The following NRG1 variants were observed in gnomAD, a reference collection of about 807,000 sequenced individuals.
The protein encoded by NRG1 is pro-neuregulin-1, membrane-bound isoform.
Under a neutral mutation model 63.8 loss-of-function variants are expected in NRG1, and 18 were observed. The ratio of observed to expected loss-of-function variants is 0.28; its 90% confidence interval spans 0.19 to 0.42. NRG1 has a LOEUF of 0.42. Ranked by LOEUF, NRG1 falls within the 10% of genes least tolerant of loss-of-function variation. The probability of loss-of-function intolerance (pLI) is 1.00; values close to 1 mark genes in which losing one functional copy is unlikely to be tolerated. For missense variants in NRG1, 762 were observed against 814.7 expected (o/e 0.94, Z 0.79); for synonymous variants, 302 against 301.3 (o/e 1.00, Z -0.02).
intron 1 of NRG1, among the ~76,000 whole-genome samples, chr8:31,717,247 A>T (rs1163859349): frequency 6.6e-6 from 1 of 151,876 alleles, no homozygotes; most frequent in African/African-American, 2.4e-5. Context: ...TGTCTACTAA[A>T]AAAACAAAAA....
chr8:32,057,224 G>A (rs78760837), intron 1 of NRG1, among the ~76,000 whole-genome samples: 8,337 of 152,180 alleles, frequency 0.055, 758 homozygotes, highest in African/African-American at 0.19. Flanking sequence ...TAGACATAGT[G>A]TGTTTATATT....
At chr8:32,354,000 G>A (rs1372734701) in intron 1 of NRG1, among the ~76,000 whole-genome samples, 1 of 152,168 alleles carries the variant, frequency 6.6e-6, no homozygotes, top group Non-Finnish European at 1.5e-5. Flanking sequence ...TAATAAAAAG[G>A]AATGAACAAT....
chr8:31,906,390 G>C (rs548524887), intron 1 of NRG1, among the ~76,000 whole-genome samples: 1 of 152,264 alleles, frequency 6.6e-6, no homozygotes, highest in East Asian at 1.9e-4. Flanking sequence ...TACGATGTAG[G>C]AGGGACAATA....
chr8:31,767,766 G>C (rs1302078634), intron 1 of NRG1, among the ~76,000 whole-genome samples: 1 of 151,118 alleles, frequency 6.6e-6, no homozygotes, highest in African/African-American at 2.4e-5. Context: ...ATTGAACCTG[G>C]AGGCGGAGGT....
At chr8:31,880,439 G>A (rs557849653) in intron 1 of NRG1, among the ~76,000 whole-genome samples, 21 of 152,186 alleles carry the variant, frequency 1.4e-4, no homozygotes, top group Non-Finnish European at 3.1e-4. Flanking sequence ...TTTAGCTTAC[G>A]AAAGCTACTC....
At chr8:32,445,603 A>G (rs1005253378) in intron 1 of NRG1, among the ~76,000 whole-genome samples, 4 of 152,190 alleles carry the variant, frequency 2.6e-5, no homozygotes, top group African/African-American at 9.6e-5. Context: ...AAAAAAACAA[A>G]CAACAATGAT....
At chr8:31,833,318 T>A (rs953023498) in intron 1 of NRG1, among the ~76,000 whole-genome samples, 1 of 152,244 alleles carries the variant, frequency 6.6e-6, no homozygotes, top group African/African-American at 2.4e-5. Context: ...CCAGACCATT[T>A]GCCAAATGTC....
intron 1 of NRG1, among the ~76,000 whole-genome samples, chr8:32,463,294 A>G (rs1042553413): frequency 6.6e-6 from 1 of 152,032 alleles, no homozygotes. Context: ...TGTTTATTTC[A>G]TCTCTTTTGG....
At chr8:32,552,060 G>A (rs930527530) in intron 1 of NRG1, among the ~76,000 whole-genome samples, 3 of 151,780 alleles carry the variant, frequency 2.0e-5, no homozygotes, top group East Asian at 1.9e-4. Flanking sequence ...ACAGGTGTGC[G>A]CCACCATGCC....
At chr8:32,443,309 G>A (rs919783849) in intron 1 of NRG1, among the ~76,000 whole-genome samples, 1 of 152,084 alleles carries the variant, frequency 6.6e-6, no homozygotes. Context: ...ATAAACCTCT[G>A]CTGAGCTTTA....
At chr8:32,457,301 A>G in intron 1 of NRG1, among the ~76,000 whole-genome samples, 1 of 152,184 alleles carries the variant, frequency 6.6e-6, no homozygotes, top group East Asian at 1.9e-4. Context: ...TACAGTAAGC[A>G]GAACACATGA....
chr8:31,641,175 CTG>C (rs1384505232), intron 1 of NRG1, among the ~76,000 whole-genome samples: 2 of 152,172 alleles, frequency 1.3e-5, no homozygotes, highest in African/African-American at 4.8e-5. Context: ...GGGTTTGCTT[CTG>C]TGTCTGTGAA....
intron 1 of NRG1, among the ~76,000 whole-genome samples, chr8:31,756,961 G>A (rs188803693): frequency 4.0e-4 from 61 of 152,250 alleles, no homozygotes; most frequent in East Asian, 1.4e-3. Context: ...TAACCAAACC[G>A]TTGAAGACAA....
intron 1 of NRG1, among the ~76,000 whole-genome samples, chr8:31,833,502 G>A (rs1417391527): frequency 6.6e-6 from 1 of 152,126 alleles, no homozygotes; most frequent in East Asian, 1.9e-4. Context: ...CCATAGAACT[G>A]GGAATTCCTC....
At chr8:32,573,851 G>A (rs867944210) in intron 1 of NRG1, among the ~76,000 whole-genome samples, 1 of 151,898 alleles carries the variant, frequency 6.6e-6, no homozygotes, top group South Asian at 2.1e-4. Flanking sequence ...CCCTTCCTGT[G>A]CCCATGTGTT....
chr8:32,624,655 A>G (rs1274718069), intron 5 of NRG1, among the ~76,000 whole-genome samples: 1 of 152,206 alleles, frequency 6.6e-6, no homozygotes, highest in Admixed American at 6.5e-5. Flanking sequence ...ACTCATTAGT[A>G]CCTATGAGCC....
intron 1 of NRG1, among the ~76,000 whole-genome samples, chr8:31,742,873 T>C (rs1815441646): frequency 1.3e-5 from 2 of 152,112 alleles, no homozygotes; most frequent in South Asian, 4.1e-4. Flanking sequence ...CCATATGCTG[T>C]TGACAGAACT....
intron 1 of NRG1, among the ~76,000 whole-genome samples, chr8:32,445,316 A>G (rs1820103999): frequency 6.6e-6 from 1 of 152,050 alleles, no homozygotes; most frequent in South Asian, 2.1e-4. Flanking sequence ...TTTTCCGAAT[A>G]CCTTTTTATC....
chr8:32,120,247 A>G, intron 1 of NRG1, among the ~76,000 whole-genome samples: 1 of 152,220 alleles, frequency 6.6e-6, no homozygotes, highest in Non-Finnish European at 1.5e-5. Context: ...ATATTAGAAA[A>G]CTTTCAAATT....
Sources: allele counts gnomAD v4.1 joint callset (sites outside exome capture counted in the v4.1 genomes callset), GRCh38; gene constraint gnomAD v4.1.1; transcripts MANE v1.5; gene names NCBI Gene and HGNC (gene_info 2026-07-23, HGNC 2026-07-21).